VWDE: variants seen among roughly 807,000 people sequenced by gnomAD.
VWDE encodes von Willebrand factor D and EGF domains.
In VWDE, 207 loss-of-function variants were observed where a neutral mutation model predicts 178.4. That is an observed-to-expected ratio of 1.16 (90% CI 1.04 to 1.30). The LOEUF is 1.30. Ranked by LOEUF, VWDE falls within the 50% of genes most tolerant of loss-of-function variation. VWDE has a pLI of 0.00. For missense variants in VWDE, 2,287 were observed against 1,901.3 expected (o/e 1.20, Z -3.77); for synonymous variants, 738 against 651.4 (o/e 1.13, Z -2.02).
intron 3 of VWDE, among the ~76,000 whole-genome samples, chr7:12,384,957 C>G (rs1036667): frequency 0.49 from 73,756 of 151,866 alleles, 18,467 homozygotes; most frequent in African/African-American, 0.61. Context: ...TATGATGCTA[C>G]TTCACATGTA....
intron 18 of VWDE, among the ~76,000 whole-genome samples, chr7:12,355,783 C>G (rs1234762736): frequency 6.6e-6 from 1 of 152,016 alleles, no homozygotes; most frequent in Non-Finnish European, 1.5e-5. Context: ...TGGCATAATT[C>G]CTTTATTTTT....
chr7:12,383,856 C>T (rs1323457841), intron 3 of VWDE, among the ~76,000 whole-genome samples: 1 of 152,134 alleles, frequency 6.6e-6, no homozygotes, highest in African/African-American at 2.4e-5. Flanking sequence ...TAGTGAGACA[C>T]TGACAACATC....
chr7:12,367,716 G>A (rs779860952), intron 12 of VWDE, among the ~76,000 whole-genome samples: 1 of 151,898 alleles, frequency 6.6e-6, no homozygotes, highest in Non-Finnish European at 1.5e-5. Context: ...AACACTACCA[G>A]TCCTAAAATC....
At chr7:12,368,788 T>C (rs185227722) in intron 12 of VWDE, among the ~76,000 whole-genome samples, 29 of 152,232 alleles carry the variant, frequency 1.9e-4, no homozygotes, top group Non-Finnish European at 3.1e-4. Flanking sequence ...AATGGTGGCT[T>C]GGACTATGGT....
chr7:12,377,686 A>T (rs1783610880), intron 7 of VWDE, 90 bp downstream of exon 7: 1 of 758,466 alleles, frequency 1.3e-6, no homozygotes, highest in Admixed American at 4.1e-5. Flanking sequence ...GATTTATTAT[A>T]TGAGTACACT....
chr7:12,371,618 G>T (rs1783203984), intron 10 of VWDE, among the ~76,000 whole-genome samples: 2 of 151,884 alleles, frequency 1.3e-5, no homozygotes, highest in South Asian at 4.2e-4. Context: ...TACAAAAATG[G>T]TCTGTGTTAG....
intron 3 of VWDE, among the ~76,000 whole-genome samples, chr7:12,385,180 T>A (rs1443728075): frequency 6.6e-6 from 1 of 152,142 alleles, no homozygotes; most frequent in Non-Finnish European, 1.5e-5. Flanking sequence ...CACATATATA[T>A]GAATTCTGTG....
intron 10 of VWDE, among the ~76,000 whole-genome samples, chr7:12,372,174 G>GT (rs11407375): frequency 0.033 from 5,026 of 151,890 alleles, 257 homozygotes; most frequent in African/African-American, 0.12. Flanking sequence ...TTGTGAAAAG[G>GT]TTTTTTTATA....
chr7:12,351,738 G>C (rs1397030799), intron 18 of VWDE, 25 bp from the exon 19 acceptor site: 1 of 1,520,770 alleles, frequency 6.6e-7, no homozygotes, highest in Admixed American at 2.1e-5. Flanking sequence ...AAGGAAAACA[G>C]ATTAGACTTA....
At chr7:12,350,115 T>G (rs545728482) in intron 19 of VWDE, among the ~76,000 whole-genome samples, 1 of 152,164 alleles carries the variant, frequency 6.6e-6, no homozygotes, top group South Asian at 2.1e-4. Flanking sequence ...AGATGAAAAG[T>G]ATTATAAATG....
At chr7:12,342,204 T>C (rs1386108602) in intron 22 of VWDE, 50 bp from the exon 23 acceptor site, 2 of 1,437,036 alleles carry the variant, frequency 1.4e-6, no homozygotes, top group South Asian at 2.5e-5. Flanking sequence ...GGAGTAGTCA[T>C]ATTGTTGGTT....
chr7:12,403,336 G>GA (rs1785001057), intron 1 of VWDE, among the ~76,000 whole-genome samples: 1 of 152,158 alleles, frequency 6.6e-6, no homozygotes. Flanking sequence ...CAGATCCGGC[G>GA]AAAGTTTCTT....
In VWDE at chr7:12,383,609, G is replaced by A. The variant is rs2128559395; in HGVS notation, c.476-8C>T. The A allele has an allele frequency of 6.5e-7, 1 of 1,549,548 alleles. No individual in the cohort carries two copies. Among genetic ancestry groups the A allele is most frequent in the South Asian group, 1.2e-5 (1 of 83,992 alleles). On this transcript the variant is annotated splice_polypyrimidine_tract_variant and splice_region_variant and intron_variant, in intron 3 of 28. Coordinates refer to ENST00000275358, the MANE Select transcript of VWDE (RefSeq NM_001135924.3). Reference sequence around the variant, plus strand: ...ATCGTGCATCAGAAATAGCTGCCAAGGGTTAAGGTTTGTATAATTATTCAG... The same window carrying A: ...ATCGTGCATCAGAAATAGCTGCCAAAGGTTAAGGTTTGTATAATTATTCAG...
chr7:12,352,750 G>A (rs1782011325), intron 18 of VWDE, among the ~76,000 whole-genome samples: 1 of 152,140 alleles, frequency 6.6e-6, no homozygotes, highest in African/African-American at 2.4e-5. Context: ...AGATGCTGCT[G>A]CTTCCTTAGT....
At chr7:12,356,073 C>T (rs1782225393) in intron 18 of VWDE, 38 bp downstream of exon 18, 2 of 1,516,424 alleles carry the variant, frequency 1.3e-6, no homozygotes, top group African/African-American at 1.4e-5. Flanking sequence ...TTTCAAGGAG[C>T]TTTTCTTTCT....
intron 2 of VWDE, among the ~76,000 whole-genome samples, chr7:12,391,250 A>G (rs1784377295): frequency 6.6e-6 from 1 of 152,226 alleles, no homozygotes; most frequent in Non-Finnish European, 1.5e-5. Context: ...TTTATTTCCT[A>G]AGCTTTATGT....
Position 12,377,805 on chromosome 7 carries a change from A to AT in VWDE, c.994dup (p.Ile332AsnfsTer12), listed in dbSNP as rs942452175. The AT allele has an allele frequency of 1.3e-6, 2 of 1,515,806 alleles. No individual in the cohort carries two copies. The highest frequency in any genetic ancestry group is 1.8e-6 in the Non-Finnish European group (2 of 1,126,030). The allele number at this position is 1,515,806 out of a possible 1,614,324, so 93.9% of individuals were successfully genotyped here. On this transcript the variant is annotated frameshift_variant, in exon 7 of 29. Transcript: ENST00000275358. LOFTEE classifies it high-confidence loss of function. ...ACCAATAGTTTTCAGTTTTAATGAGATTTTGCATTCTTGATCAAGCTCACT... is the reference window on the plus strand; with the variant it reads ...ACCAATAGTTTTCAGTTTTAATGAGATTTTTGCATTCTTGATCAAGCTCACT...
In VWDE at chr7:12,336,209, C is replaced by T. The variant is rs1369522847; in HGVS notation, c.4586G>A (p.Gly1529Asp). 3 of 1,551,106 alleles carry T rather than the reference C, an allele frequency of 1.9e-6. No homozygotes were observed. The highest frequency in any genetic ancestry group is 4.9e-5 in the East Asian group (2 of 40,860). Residue 1529 changes from glycine (G) to aspartate (D), a missense_variant, in exon 27 of 29, where the codon GGT (glycine) becomes GAT (aspartate). Gly to Asp is a moderately conservative substitution (Grantham distance 94, BLOSUM62 -1). Transcript: ENST00000275358. ...TATGCTGGGCGCAATGCATTCACCA[C>T]CGTTTTTACATTTCTGCAAGCAGAT... ...TPICLQKCKN[G>D]GECIAPSICH...
In VWDE at chr7:12,369,696, C is replaced by T. The variant is rs1399233177; in HGVS notation, c.2610G>A (p.Gly870=). Residue 870 remains glycine, a synonymous_variant, in exon 12 of 29, where the codon GGG becomes GGA. Transcript: ENST00000275358. ...NECEKRIVEE[G]KYNTEEYGTS... ...TGCCATACTCTTCTGTGTTATATTT[C>T]CCCTCCTCCACAATCCTCTTTTCAC... is the stretch of plus-strand genomic sequence containing the variant. 3.2e-6 allele frequency: 5 copies of T among 1,551,576 alleles called. No individual in the cohort carries two copies. Among genetic ancestry groups the T allele is most frequent in the Non-Finnish European group, 4.4e-6 (5 of 1,146,924 alleles).
Sources: allele counts gnomAD v4.1 joint callset (sites outside exome capture counted in the v4.1 genomes callset), GRCh38; gene constraint gnomAD v4.1.1; transcripts MANE v1.5; gene names NCBI Gene and HGNC (gene_info 2026-07-23, HGNC 2026-07-21).